RYR3: variants seen among roughly 807,000 people sequenced by gnomAD.
The protein encoded by RYR3 is ryanodine receptor 3.
A neutral mutation model predicts 584.3 loss-of-function variants in RYR3; 207 were observed. The ratio of observed to expected loss-of-function variants is 0.35; its 90% CI spans 0.32 to 0.40. The LOEUF (loss-of-function observed/expected upper bound fraction) is 0.40. Among genes scored for constraint, RYR3 ranks in the 10% least tolerant of loss-of-function variants. The probability of loss-of-function intolerance (pLI) is 1.00; values close to 1 mark genes in which losing one functional copy is unlikely to be tolerated. For synonymous variants in RYR3, 2,416 were observed against 2,248.5 expected (o/e 1.07, Z -2.11); for missense variants, 5,616 against 6,089.2 (o/e 0.92, Z 2.59).
At chr15:33,633,938 G>A (rs1326664339) in intron 24 of RYR3, among the ~76,000 whole-genome samples, 1 of 152,220 alleles carries the variant, frequency 6.6e-6, no homozygotes, top group Non-Finnish European at 1.5e-5. Flanking sequence ...ATCTTCCATA[G>A]GGAAATCATT....
intron 1 of RYR3, among the ~76,000 whole-genome samples, chr15:33,467,284 C>T (rs943344669): frequency 6.6e-6 from 1 of 152,220 alleles, no homozygotes; most frequent in African/African-American, 2.4e-5. Flanking sequence ...TGCTCAGTAC[C>T]AGTGATTTGC....
At chr15:33,630,888 G>A (rs1437778224) in intron 22 of RYR3, among the ~76,000 whole-genome samples, 1 of 152,202 alleles carries the variant, frequency 6.6e-6, no homozygotes, top group African/African-American at 2.4e-5. Context: ...TAAATCGGGA[G>A]TTGACAAATT....
Position 33,788,247 on chromosome 15 carries a change from A to G in RYR3, c.9619A>G (p.Arg3207Gly). The G allele has an allele frequency of 6.2e-7, 1 of 1,614,008 alleles. No individual in the cohort carries two copies. The highest frequency in any genetic ancestry group is 8.5e-7 in the Non-Finnish European group (1 of 1,179,880). Reference sequence around the variant, plus strand: ...TGCACAGCCCATCATCAGCAAAGCCAGGCCCGACCTGCTGAGAAGCCACTT... The same window carrying G: ...TGCACAGCCCATCATCAGCAAAGCCGGGCCCGACCTGCTGAGAAGCCACTT... ...VYAQPIISKA[R>G]PDLLRSHFIP... Residue 3207 changes from arginine (R) to glycine (G), a missense_variant, in exon 67 of 104, where the codon AGG (arginine) becomes GGG (glycine). Coordinates refer to ENST00000634891, the MANE Select transcript of RYR3 (RefSeq NM_001036.6).
chr15:33,511,845 C>T (rs1675782769), intron 3 of RYR3, among the ~76,000 whole-genome samples: 1 of 152,228 alleles, frequency 6.6e-6, no homozygotes, highest in Admixed American at 6.5e-5. Flanking sequence ...GTGGCGCGAT[C>T]TCGGCTCACT....
At chr15:33,722,408 C>G (rs2068003397) in intron 43 of RYR3, 1 of 386,024 alleles carries the variant, frequency 2.6e-6, no homozygotes, top group Non-Finnish European at 4.6e-6. Flanking sequence ...GATCTTAATA[C>G]TTTAAACAAA....
chr15:33,645,298 G>A (rs567515888), intron 28 of RYR3, among the ~76,000 whole-genome samples: 26 of 152,202 alleles, frequency 1.7e-4, no homozygotes, highest in African/African-American at 6.0e-4. Flanking sequence ...CACAGACTAT[G>A]GTTTTTCCAT....
intron 18 of RYR3, among the ~76,000 whole-genome samples, chr15:33,606,696 C>T (rs1360138442): frequency 6.6e-6 from 1 of 152,162 alleles, no homozygotes; most frequent in Non-Finnish European, 1.5e-5. Context: ...CACTTTCCCT[C>T]TCTGGATGGA....
chr15:33,587,954 C>G (rs997817928), intron 16 of RYR3, among the ~76,000 whole-genome samples: 1 of 152,162 alleles, frequency 6.6e-6, no homozygotes, highest in Admixed American at 6.5e-5. Context: ...ATTGTTGTCT[C>G]CAGTCCTAGA....
At chr15:33,316,547 A>T (rs1968198659) in intron 1 of RYR3, among the ~76,000 whole-genome samples, 1 of 151,348 alleles carries the variant, frequency 6.6e-6, no homozygotes, top group Admixed American at 6.6e-5. Context: ...CTGTAATAAT[A>T]AAAAAAAATG....
intron 64 of RYR3, among the ~76,000 whole-genome samples, chr15:33,774,956 A>G (rs2073889909): frequency 6.6e-6 from 1 of 152,006 alleles, no homozygotes; most frequent in Non-Finnish European, 1.5e-5. Context: ...TGTTATATGT[A>G]TATAAGTATA....
At chr15:33,696,914 T>C (rs1038034171) in intron 39 of RYR3, among the ~76,000 whole-genome samples, 2 of 152,176 alleles carry the variant, frequency 1.3e-5, no homozygotes, top group Admixed American at 1.3e-4. Context: ...TTTTTGTTAG[T>C]TCATTGAGAT....
In RYR3 at chr15:33,461,817, G is replaced by A. The variant is rs138556875; in HGVS notation, c.52-11602G>A. 2.6e-5 allele frequency among the ~76,000 whole-genome samples: 4 copies of A among 152,254 alleles called. No homozygotes were observed. The East Asian group carries it at 7.7e-4, about 29-fold the overall frequency. ...GGTCCTGAATTATGTCACCATTTCT[G>A]CAAACCAGTGCAACCCCAAGCCTGT... On this transcript the variant is annotated intron_variant, in intron 1 of 103. Coordinates refer to ENST00000634891, the MANE Select transcript of RYR3 (RefSeq NM_001036.6).
intron 13 of RYR3, among the ~76,000 whole-genome samples, chr15:33,580,786 C>G (rs1432898192): frequency 6.6e-6 from 1 of 152,140 alleles, no homozygotes; most frequent in Non-Finnish European, 1.5e-5. Flanking sequence ...AGGGCTTGTC[C>G]CTTGGGCATT....
At chr15:33,790,457 T>G (rs1369392821) in intron 67 of RYR3, among the ~76,000 whole-genome samples, 1 of 151,694 alleles carries the variant, frequency 6.6e-6, no homozygotes, top group Non-Finnish European at 1.5e-5. Context: ...AAGAGAGGAG[T>G]CAAAAATGAT....
At chr15:33,370,875 C>T (rs372438642) in intron 1 of RYR3, among the ~76,000 whole-genome samples, 18 of 152,100 alleles carry the variant, frequency 1.2e-4, no homozygotes, top group Admixed American at 2.0e-4. Flanking sequence ...ATGGGTGCTT[C>T]GCCATACTGT....
chr15:33,671,574 C>T (rs1422153438), intron 38 of RYR3, among the ~76,000 whole-genome samples: 1 of 152,050 alleles, frequency 6.6e-6, no homozygotes, highest in African/African-American at 2.4e-5. Context: ...GTATGGGGGA[C>T]TTGGCAATGG....
chr15:33,473,307 G>A (rs1439164413), intron 1 of RYR3, 112 bp from the exon 2 acceptor site: 2 of 1,239,430 alleles, frequency 1.6e-6, no homozygotes, highest in Non-Finnish European at 1.2e-6. Flanking sequence ...AAAACAAAAA[G>A]CACGTGGCTG....
rs541417975 is a variant in RYR3 at position 33,446,398 on chromosome 15, A to G, written c.52-27021A>G. ...GTATTTGTTTGCTAGAGCTGCCACA[A>G]TAAAGTCCATAGATTGGGTGGCTTA... On this transcript the variant is annotated intron_variant, in intron 1 of 103. Transcript: ENST00000634891. Among the ~76,000 whole-genome samples, 3 of 152,342 alleles carry G rather than the reference A, an allele frequency of 2.0e-5. No homozygotes were observed. The South Asian group carries it at 6.2e-4, about 32-fold the overall frequency.
chr15:33,492,298 A>T (rs2051028917), intron 2 of RYR3, among the ~76,000 whole-genome samples: 3 of 152,184 alleles, frequency 2.0e-5, no homozygotes, highest in Admixed American at 2.0e-4. Context: ...GTGGAGAGAT[A>T]CAAGAACTTT....
Sources: allele counts gnomAD v4.1 joint callset (sites outside exome capture counted in the v4.1 genomes callset), GRCh38; gene constraint gnomAD v4.1.1; transcripts MANE v1.5; gene names NCBI Gene and HGNC (gene_info 2026-07-23, HGNC 2026-07-21).